The following CNGB3 variants were observed in gnomAD, a reference collection of about 807,000 sequenced individuals.
The protein encoded by CNGB3 is cyclic nucleotide-gated channel beta-3.
CNGB3 carries 86 observed loss-of-function variants against 92.8 expected under a neutral mutation model. That is an observed-to-expected ratio of 0.93 (90% confidence interval 0.78 to 1.11). The LOEUF (loss-of-function observed/expected upper bound fraction) is 1.11, where lower values mean the gene tolerates loss of function less well. Ranked by LOEUF, CNGB3 falls within the 50% of genes least tolerant of loss-of-function variation. The pLI is 0.00. For synonymous variants in CNGB3, 333 were observed against 332.7 expected, an observed-to-expected ratio of 1.00 and a Z score of -0.01; for missense variants, 1,026 against 956.8, an observed-to-expected ratio of 1.07 and a Z score of -0.95.
chr8:86,685,692 T>C (rs1047943950), intron 3 of CNGB3, among the ~76,000 whole-genome samples: 5 of 152,100 alleles, frequency 3.3e-5, no homozygotes, highest in African/African-American at 1.2e-4. Flanking sequence ...AGATAGGTGA[T>C]AGAAGGTTAG....
intron 15 of CNGB3, among the ~76,000 whole-genome samples, chr8:86,601,716 T>G (rs893710032): frequency 1.5e-4 from 23 of 152,170 alleles, no homozygotes; most frequent in Non-Finnish European, 3.1e-4. Flanking sequence ...ATGACAGCTG[T>G]GGGCCTGTGA....
At chr8:86,667,906 G>C in intron 5 of CNGB3, 113 bp downstream of exon 5, 8 of 1,164,222 alleles carry the variant, frequency 6.9e-6, no homozygotes, top group Non-Finnish European at 1.0e-5. Flanking sequence ...CTGCTTCCTA[G>C]TTAGATTGAG....
chr8:86,700,692 G>A (rs1824538846), intron 3 of CNGB3, among the ~76,000 whole-genome samples: 1 of 152,170 alleles, frequency 6.6e-6, no homozygotes, highest in Non-Finnish European at 1.5e-5. Flanking sequence ...AGGCTGGAGT[G>A]CAGTGGCATG....
In CNGB3 at chr8:86,726,431, G is replaced by A. The variant is rs376554729; in HGVS notation, c.338+100C>T. 2.7e-4 allele frequency: 405 copies of A among 1,497,760 alleles called. 3 individuals carry two copies. The South Asian group carries it at 4.3e-3, about 16-fold the overall frequency. 92.8% of individuals were successfully genotyped at this position (1,497,760 alleles called of 1,614,324 possible). A position where few individuals can be genotyped will look rare whatever the true frequency, so the allele number is the denominator to read the frequency against. On this transcript the variant is annotated intron_variant, in intron 3 of 17. Coordinates refer to ENST00000320005, the MANE Select transcript of CNGB3 (RefSeq NM_019098.5). ...GTTATGTGACTATTGAATTTTTTCT[G>A]CCCTTATATTCAGCTAAAGGGGAGA...
intron 3 of CNGB3, among the ~76,000 whole-genome samples, chr8:86,689,721 C>T (rs2131635797): frequency 6.6e-6 from 1 of 151,978 alleles, no homozygotes; most frequent in Non-Finnish European, 1.5e-5. Flanking sequence ...CTCCCCCAAC[C>T]CCACAACAGG....
chr8:86,708,175 T>C (rs1239554330), intron 3 of CNGB3, among the ~76,000 whole-genome samples: 1 of 152,162 alleles, frequency 6.6e-6, no homozygotes, highest in Admixed American at 6.5e-5. Flanking sequence ...TGGGACTGAA[T>C]AAAATCACTT....
intron 3 of CNGB3, among the ~76,000 whole-genome samples, chr8:86,717,288 G>A (rs536674693): frequency 9.2e-5 from 14 of 152,118 alleles, no homozygotes; most frequent in African/African-American, 2.2e-4. Flanking sequence ...TAGACTGGGC[G>A]TGGTGGCTCA....
chr8:86,611,190 A>G (rs991874248), intron 14 of CNGB3, among the ~76,000 whole-genome samples: 3 of 152,194 alleles, frequency 2.0e-5, no homozygotes, highest in Non-Finnish European at 4.4e-5. Flanking sequence ...AAAATGTGGC[A>G]TTGATTATTC....
At chr8:86,593,803 C>T (rs1458209669) in intron 15 of CNGB3, 4 of 1,329,888 alleles carry the variant, frequency 3.0e-6, no homozygotes, top group African/African-American at 1.5e-5. Context: ...AGTAGGGCCG[C>T]AGCTTGTCCA....
chr8:86,621,726 T>C (rs1211045188), intron 13 of CNGB3, among the ~76,000 whole-genome samples: 1 of 152,156 alleles, frequency 6.6e-6, no homozygotes, highest in African/African-American at 2.4e-5. Flanking sequence ...TATAAATGAG[T>C]ATATACAATA....
At chr8:86,622,733 G>T (rs955091593) in intron 13 of CNGB3, among the ~76,000 whole-genome samples, 1 of 152,140 alleles carries the variant, frequency 6.6e-6, no homozygotes, top group Non-Finnish European at 1.5e-5. Flanking sequence ...TTTCCTTTTG[G>T]ACCTAGGTTT....
chr8:86,727,417 T>C (rs1030211691), intron 2 of CNGB3, among the ~76,000 whole-genome samples: 1 of 152,170 alleles, frequency 6.6e-6, no homozygotes, highest in Non-Finnish European at 1.5e-5. Flanking sequence ...TTCTACATTT[T>C]TATGAAATCA....
chr8:86,667,038 C>A lies in CNGB3; in HGVS notation c.739G>T (p.Ala247Ser). The change falls in exon 6 of 18, where the codon GCA (alanine) becomes TCA (serine). Residue 247 changes from alanine (A) to serine (S), a missense_variant. By Grantham distance (99) the Ala-to-Ser change is moderately conservative. Coordinates refer to ENST00000320005, the MANE Select transcript of CNGB3 (RefSeq NM_019098.5). ...ATAAGCCAGTAGTGTATGTTGTCTGCGGTTTGATATGGGAAGACGAGGCGC... is the reference window on the plus strand; with the variant it reads ...ATAAGCCAGTAGTGTATGTTGTCTGAGGTTTGATATGGGAAGACGAGGCGC... ...PLRLVFPYQT[A>S]DNIHYWLIAD... 2.5e-6 allele frequency: 4 copies of A among 1,613,894 alleles called. No individual in the cohort carries two copies. Among genetic ancestry groups the A allele is most frequent in the Non-Finnish European group, 3.4e-6 (4 of 1,179,894 alleles).
chr8:86,643,951 A>G (rs1823243302), intron 9 of CNGB3, 78 bp from the exon 10 acceptor site: 3 of 1,518,368 alleles, frequency 2.0e-6, no homozygotes, highest in Non-Finnish European at 2.7e-6. Flanking sequence ...TCTTTTCCTT[A>G]AAGTCACCAG....
chr8:86,696,124 T>C (rs1025268324), intron 3 of CNGB3, among the ~76,000 whole-genome samples: 2 of 152,204 alleles, frequency 1.3e-5, no homozygotes, highest in African/African-American at 4.8e-5. Context: ...TCTTGAATGC[T>C]GGTTATGCTA....
intron 3 of CNGB3, among the ~76,000 whole-genome samples, chr8:86,701,705 A>G (rs1586025797): frequency 1.3e-5 from 2 of 152,336 alleles, no homozygotes; most frequent in Middle Eastern, 6.8e-3. Context: ...GACAATCACT[A>G]TTATACTATC....
chr8:86,663,842 C>A (rs1169750508), intron 6 of CNGB3, among the ~76,000 whole-genome samples: 1 of 152,190 alleles, frequency 6.6e-6, no homozygotes, highest in African/African-American at 2.4e-5. Flanking sequence ...TATGATAATG[C>A]ATTTTAAATA....
intron 3 of CNGB3, among the ~76,000 whole-genome samples, chr8:86,680,901 A>G (rs2131627690): frequency 6.6e-6 from 1 of 152,236 alleles, no homozygotes; most frequent in Non-Finnish European, 1.5e-5. Flanking sequence ...AAAACAACTA[A>G]AAGTTGGTTT....
rs944762821 is a variant in CNGB3, at chr8:86,729,796, C to T, written c.212-3139G>A. ...GAGAAATCTAAAATACAAGGCAAAT[C>T]TTGCTCTGGCATCTGGGTGAAATGT... On this transcript the variant is annotated intron_variant, in intron 2 of 17. Transcript: ENST00000320005. Among the ~76,000 whole-genome samples the T allele has an allele frequency of 4.6e-5, 7 of 152,228 alleles. No individual in the cohort carries two copies. The East Asian group carries it at 1.3e-3, about 29-fold the overall frequency.
Sources: allele counts gnomAD v4.1 joint callset (sites outside exome capture counted in the v4.1 genomes callset), GRCh38; gene constraint gnomAD v4.1.1; transcripts MANE v1.5; gene names NCBI Gene and HGNC (gene_info 2026-07-23, HGNC 2026-07-21).